Variants in SDCCAG8 observed in about 807,000 individuals in gnomAD.
SDCCAG8 encodes serologically defined colon cancer antigen 8.
In SDCCAG8, 74 loss-of-function variants were observed where a neutral mutation model predicts 101.8. The observed-to-expected ratio is 0.73, with a 90% CI of 0.60 to 0.88. The LOEUF is 0.88. Ranked by LOEUF, SDCCAG8 falls within the 40% of genes least tolerant of loss-of-function variation. SDCCAG8 has a pLI of 0.00. For missense variants in SDCCAG8, 787 were observed against 822.6 expected (o/e 0.96, Z 0.53); for synonymous variants, 281 against 292.9 (o/e 0.96, Z 0.41).
chr1:243,340,189 AC>A (rs1195588990), intron 10 of SDCCAG8, among the ~76,000 whole-genome samples: 1 of 152,248 alleles, frequency 6.6e-6, no homozygotes, highest in Non-Finnish European at 1.5e-5. Flanking sequence ...GAAACAGACA[AC>A]TAAAAACAGT....
chr1:243,393,798 C>G (rs549691054), intron 13 of SDCCAG8, among the ~76,000 whole-genome samples: 2 of 152,210 alleles, frequency 1.3e-5, no homozygotes, highest in African/African-American at 4.8e-5. Flanking sequence ...ATATGTCTTT[C>G]ACAAAATGAA....
Position 243,270,962 on chromosome 1 carries a change from T to C in SDCCAG8, c.221-16T>C. 6.3e-7 allele frequency: 1 copy of C among 1,592,262 alleles called. No homozygotes were observed. The highest frequency in any genetic ancestry group is 1.7e-4 in the Middle Eastern group (1 of 6,030). ...TCTCAAATAAGGTTAATAAACCCTC[T>C]GCTTTTGCTCTATAGTTAATCAGCT... is the stretch of plus-strand genomic sequence containing the variant. On this transcript the variant is annotated splice_polypyrimidine_tract_variant and intron_variant, in intron 2 of 17. Transcript: ENST00000366541.
At chr1:243,499,198 G>C (rs183662568) in intron 17 of SDCCAG8, among the ~76,000 whole-genome samples, 7 of 152,304 alleles carry the variant, frequency 4.6e-5, no homozygotes, top group Admixed American at 2.6e-4. Context: ...GTAAAACTAA[G>C]AGACCTCAGT....
chr1:243,344,462 G>C, intron 12 of SDCCAG8, 131 bp downstream of exon 12: 1 of 774,238 alleles, frequency 1.3e-6, no homozygotes, highest in Non-Finnish European at 2.2e-6. Context: ...AGTTTACACT[G>C]TTAGGAAAAT....
intron 17 of SDCCAG8, among the ~76,000 whole-genome samples, chr1:243,498,064 C>T (rs1668474959): frequency 6.6e-6 from 1 of 152,156 alleles, no homozygotes; most frequent in African/African-American, 2.4e-5. Context: ...AGTTAGGAAG[C>T]CACTGTGTCA....
intron 13 of SDCCAG8, among the ~76,000 whole-genome samples, chr1:243,389,927 A>G (rs2078599181): frequency 6.6e-6 from 1 of 152,224 alleles, no homozygotes; most frequent in African/African-American, 2.4e-5. Context: ...CTGTGCCCCC[A>G]GCACCAAGTC....
intron 16 of SDCCAG8, among the ~76,000 whole-genome samples, chr1:243,469,807 T>A (rs1375998949): frequency 1.3e-5 from 2 of 150,902 alleles, no homozygotes; most frequent in East Asian, 3.9e-4. Context: ...CCTTCCTAGC[T>A]ACAGGGCTTT....
At chr1:243,313,229 T>C (rs1184860308) in intron 8 of SDCCAG8, among the ~76,000 whole-genome samples, 2 of 152,226 alleles carry the variant, frequency 1.3e-5, no homozygotes, top group Non-Finnish European at 2.9e-5. Flanking sequence ...TTCTAGACTT[T>C]CTTTTTAAAA....
intron 6 of SDCCAG8, among the ~76,000 whole-genome samples, chr1:243,304,145 G>C (rs1225520300): frequency 6.6e-6 from 1 of 151,872 alleles, no homozygotes; most frequent in East Asian, 1.9e-4. Flanking sequence ...GTTATTTAAG[G>C]GTCAACTGTA....
At chr1:243,483,466 C>T (rs576791368) in intron 16 of SDCCAG8, among the ~76,000 whole-genome samples, 1 of 152,288 alleles carries the variant, frequency 6.6e-6, no homozygotes, top group South Asian at 2.1e-4. Flanking sequence ...CCTAAGGCGC[C>T]CTCCTCCCTT....
At chr1:243,476,683 T>G (rs1170039295) in intron 16 of SDCCAG8, among the ~76,000 whole-genome samples, 1 of 152,186 alleles carries the variant, frequency 6.6e-6, no homozygotes, top group Non-Finnish European at 1.5e-5. Flanking sequence ...TATTGGTAAT[T>G]CAGTTGCAAA....
chr1:243,362,583 A>G (rs2076780627), intron 12 of SDCCAG8, among the ~76,000 whole-genome samples: 2 of 152,260 alleles, frequency 1.3e-5, no homozygotes, highest in African/African-American at 4.8e-5. Flanking sequence ...ACCTCATAGT[A>G]CAATGCATGA....
chr1:243,458,340 T>C lies in SDCCAG8; in HGVS notation c.1986-30674T>C, dbSNP rs1159598124. Among the ~76,000 whole-genome samples, 6 of 152,088 alleles carry C rather than the reference T, an allele frequency of 3.9e-5. No homozygotes were observed. Among genetic ancestry groups the C allele is most frequent in the Non-Finnish European group, 7.4e-5 (5 of 68,016 alleles). ...TGTTGTGTTAAGCTTCTTGCTACCATGTAAAAATTTCCTGACACCTCTTGC... is the reference window on the plus strand; with the variant it reads ...TGTTGTGTTAAGCTTCTTGCTACCACGTAAAAATTTCCTGACACCTCTTGC... On this transcript the variant is annotated intron_variant, in intron 16 of 17. Transcript: ENST00000366541. This position sits in a 1 kb window ranked among gnomAD's most constrained non-coding sequence, Gnocchi z 4.5.
At position 243,385,259 on chromosome 1, in the gene SDCCAG8, G is replaced by A. The variant is rs570220305; in HGVS notation, c.1616+6396G>A. ...ACAAACATTAGCTGGGCATGGTGGT[G>A]CGCGCCTATAGTCCCAGCTGCTCTG... On this transcript the variant is annotated intron_variant, in intron 13 of 17. Transcript: ENST00000366541. Among the ~76,000 whole-genome samples, 250 of 152,100 alleles carry A rather than the reference G, an allele frequency of 1.6e-3. 1 individual carries two copies. The highest frequency in any genetic ancestry group is 5.8e-3 in the African/African-American group (241 of 41,490).
chr1:243,417,361 A>G (rs2080663050), intron 14 of SDCCAG8, among the ~76,000 whole-genome samples: 2 of 152,216 alleles, frequency 1.3e-5, no homozygotes, highest in Non-Finnish European at 2.9e-5. Flanking sequence ...TTGTACACAC[A>G]TACACAAAAT....
At chr1:243,496,768 T>G (rs1467205093) in intron 17 of SDCCAG8, among the ~76,000 whole-genome samples, 1 of 152,258 alleles carries the variant, frequency 6.6e-6, no homozygotes, top group Non-Finnish European at 1.5e-5. Flanking sequence ...CCAGAGCAAC[T>G]GATTTCTTAC....
chr1:243,399,913 C>A (rs1043995129), intron 13 of SDCCAG8, among the ~76,000 whole-genome samples: 1 of 152,172 alleles, frequency 6.6e-6, no homozygotes, highest in Admixed American at 6.5e-5. Context: ...CATAACCCTA[C>A]CAGGTAGATT....
intron 4 of SDCCAG8, 125 bp downstream of exon 4, chr1:243,274,781 C>T (rs1040984319): frequency 2.2e-5 from 14 of 624,870 alleles, no homozygotes; most frequent in African/African-American, 3.7e-5. Context: ...GCTATTCTTA[C>T]GTGATTGAGA....
At chr1:243,375,323 G>A (rs1028943077) in intron 12 of SDCCAG8, among the ~76,000 whole-genome samples, 3 of 152,222 alleles carry the variant, frequency 2.0e-5, no homozygotes, top group East Asian at 3.9e-4. Context: ...GGGCACTGCT[G>A]TTCCTTGTTA....
Sources: gnomAD v4.1 joint callset for allele counts (sites outside exome capture counted in the v4.1 genomes callset) on GRCh38, gnomAD v4.1.1 for gene constraint, Gnocchi (gnomAD v3.1) non-coding constraint, MANE v1.5 for transcripts, NCBI Gene and HGNC (gene_info 2026-07-23, HGNC 2026-07-21) for gene names.